The following NIBAN3 variants were observed in gnomAD, a reference collection of about 807,000 sequenced individuals.
The protein encoded by NIBAN3 is protein Niban 3.
Under a neutral mutation model 76.4 loss-of-function variants are expected in NIBAN3, and 66 were observed. The ratio of observed to expected loss-of-function variants is 0.86; its 90% CI spans 0.71 to 1.06. The LOEUF is 1.06. NIBAN3 is among the 50% of genes least tolerant of loss of function. NIBAN3 has a pLI of 0.00. For missense variants in NIBAN3, 808 were observed against 810.7 expected (o/e 1.00, Z 0.04); for synonymous variants, 360 against 355.2 (o/e 1.01, Z -0.15).
At chr19:17,526,749 C>T (rs1440481559), upstream of NIBAN3, among the ~76,000 whole-genome samples, 1 of 151,334 alleles carries the variant, frequency 6.6e-6, no homozygotes, top group Admixed American at 6.6e-5. Flanking sequence ...AGCTTCAGTG[C>T]CCCCAAGTCT....
At chr19:17,523,707 G>A (rs983650384), upstream of NIBAN3, among the ~76,000 whole-genome samples, 3 of 152,072 alleles carry the variant, frequency 2.0e-5, no homozygotes, top group Non-Finnish European at 2.9e-5. Flanking sequence ...AAGGCTCCAC[G>A]TGGCCCCTTT....
rs1207576336 is a variant in NIBAN3, at chr19:17,539,278, C to T, written c.711+13C>T. The T allele has an allele frequency of 1.3e-6, 2 of 1,583,908 alleles. No individual in the cohort carries two copies. The highest frequency in any genetic ancestry group is 2.3e-5 in the East Asian group (1 of 43,102). On this transcript the variant is annotated intron_variant, in intron 6 of 14. Coordinates refer to ENST00000599164, the MANE Select transcript of NIBAN3 (RefSeq NM_001321827.2). ...CTCAGACGCCGAGGTTAGTGCCCCGCGAGGCCGCACCCGGGACCCCCAGGA... is the reference window on the plus strand; with the variant it reads ...CTCAGACGCCGAGGTTAGTGCCCCGTGAGGCCGCACCCGGGACCCCCAGGA...
chr19:17,555,050 G>C (rs949972369), downstream of NIBAN3, among the ~76,000 whole-genome samples: 1 of 152,058 alleles, frequency 6.6e-6, no homozygotes. Context: ...CTCTGGAAGA[G>C]CTTGTGCCCA....
chr19:17,540,771 T>A (rs534994179), intron 9 of NIBAN3, among the ~76,000 whole-genome samples, 189 bp downstream of exon 9: 3 of 152,356 alleles, frequency 2.0e-5, no homozygotes, highest in African/African-American at 7.2e-5. Flanking sequence ...TGTCGCTCTG[T>A]CACCCTGGCT....
At chr19:17,541,234 CATACAT>C (rs2075946401) in intron 9 of NIBAN3, among the ~76,000 whole-genome samples, 2 of 4,392 alleles carry the variant, frequency 4.6e-4, no homozygotes, top group Non-Finnish European at 1.7e-3. Flanking sequence ...TACATATATA[CATACAT>C]ACATACATAC....
Position 17,539,266 on chromosome 19 carries a change from G to A in NIBAN3, c.711+1G>A, listed in dbSNP as rs1266348626. ...CGTGACCCTAGGCTCAGACGCCGAG[G>A]TTAGTGCCCCGCGAGGCCGCACCCG... is the stretch of plus-strand genomic sequence containing the variant. On this transcript the variant is annotated splice_donor_variant, in intron 6 of 14. Coordinates refer to ENST00000599164, the MANE Select transcript of NIBAN3 (RefSeq NM_001321827.2). LOFTEE classifies it high-confidence loss of function. 6.3e-7 allele frequency: 1 copy of A among 1,596,720 alleles called. No homozygotes were observed. Among genetic ancestry groups the A allele is most frequent in the East Asian group, 2.3e-5 (1 of 43,920 alleles).
At chr19:17,528,084 GTTTGT>G (rs533477030) in intron 1 of NIBAN3, among the ~76,000 whole-genome samples, 7 of 146,760 alleles carry the variant, frequency 4.8e-5, no homozygotes, top group African/African-American at 1.7e-4. Context: ...TTTTTTTTTT[GTTTGT>G]TTTGTTTTGT....
chr19:17,536,939 C>T (rs117075405), intron 4 of NIBAN3, among the ~76,000 whole-genome samples: 6,271 of 152,022 alleles, frequency 0.041, 195 homozygotes, highest in Non-Finnish European at 0.06. Context: ...GAGTTCAAGA[C>T]CAGCCTGGGT....
rs763620290 is a variant in NIBAN3, at chr19:17,553,396, G to T, written c.*1498G>T. Reference sequence around the variant, plus strand: ...CCTCTGCTTGCCAGCAAAGTCATCTGCTAACTGGATATTGGCAGCTTCTCT... The same window carrying T: ...CCTCTGCTTGCCAGCAAAGTCATCTTCTAACTGGATATTGGCAGCTTCTCT... On this transcript the variant is annotated 3_prime_UTR_variant, in exon 15 of 15. Coordinates refer to ENST00000599164, the MANE Select transcript of NIBAN3 (RefSeq NM_001321827.2). 10 of 1,614,178 alleles carry T rather than the reference G, an allele frequency of 6.2e-6. No individual in the cohort carries two copies. Among genetic ancestry groups the T allele is most frequent in the Non-Finnish European group, 8.5e-6 (10 of 1,180,046 alleles).
intron 13 of NIBAN3, 34 bp downstream of exon 13, chr19:17,546,831 T>C (rs1028020619): frequency 1.3e-6 from 2 of 1,560,316 alleles, no homozygotes; most frequent in African/African-American, 2.7e-5. Flanking sequence ...CAGAGGAGCC[T>C]GGCGTCCCTT....
Position 17,546,709 on chromosome 19 carries a change from T to C in NIBAN3, c.1578T>C (p.Asp526=), listed in dbSNP as rs1467515949. 4 of 1,594,812 alleles carry C rather than the reference T, an allele frequency of 2.5e-6. No individual in the cohort carries two copies. Among genetic ancestry groups the C allele is most frequent in the Non-Finnish European group, 3.4e-6 (4 of 1,171,794 alleles). ...AGGAGCTGCCTGAGTTCGAGGGGGA[T>C]GTCCTTGCCGTGGGCAGCCAGGCTC... ...CKKELPEFEG[D]VLAVGSQALT... is the part of the protein sequence containing the mutation. The change falls in exon 13 of 15, where the codon GAT becomes GAC. Residue 526 remains aspartate (D), a synonymous_variant. Coordinates refer to ENST00000599164, the MANE Select transcript of NIBAN3 (RefSeq NM_001321827.2).
intron 5 of NIBAN3, 63 bp downstream of exon 5, chr19:17,537,606 TC>T: frequency 3.7e-5 from 54 of 1,469,116 alleles, no homozygotes; most frequent in Non-Finnish European, 4.9e-5. Flanking sequence ...TGGCTCAGCC[TC>T]TGTTGGCTCG....
Position 17,542,082 on chromosome 19 carries a change from C to A in NIBAN3, c.1171-54C>A. The A allele has an allele frequency of 1.2e-6, 2 of 1,605,872 alleles. No individual in the cohort carries two copies. Among genetic ancestry groups the A allele is most frequent in the Non-Finnish European group, 1.7e-6 (2 of 1,173,072 alleles). On this transcript the variant is annotated intron_variant, in intron 9 of 14. Coordinates refer to ENST00000599164, the MANE Select transcript of NIBAN3 (RefSeq NM_001321827.2). The surrounding 1 kb of genome is among the most constrained non-coding windows in gnomAD (Gnocchi z 4.8). ...GTGAATTGGTAATGGGGTCCCTGGCCCTTTGCAATCAGCTGACAGCATTTT... is the reference window on the plus strand; with the variant it reads ...GTGAATTGGTAATGGGGTCCCTGGCACTTTGCAATCAGCTGACAGCATTTT...
In NIBAN3 at chr19:17,553,117, T is replaced by C. The variant is rs7250832; in HGVS notation, c.*1219T>C. 0.016 allele frequency: 12,321 copies of C among 767,430 alleles called. 1,006 individuals are homozygous for C. The African/African-American group carries it at 0.19, about 12-fold the overall frequency. 47.5% of individuals were successfully genotyped at this position (767,430 alleles called of 1,614,324 possible). ...ATATGTTGATTAGCCATTTACATGTTTGTAGTTTTTTTTTTTTTAATTTCA... is the reference window on the plus strand; with the variant it reads ...ATATGTTGATTAGCCATTTACATGTCTGTAGTTTTTTTTTTTTTAATTTCA... On this transcript the variant is annotated 3_prime_UTR_variant, in exon 15 of 15. Coordinates refer to ENST00000599164, the MANE Select transcript of NIBAN3 (RefSeq NM_001321827.2).
At chr19:17,523,516 C>T (rs371493984), upstream of NIBAN3, 12 of 1,469,938 alleles carry the variant, frequency 8.2e-6, no homozygotes, top group Non-Finnish European at 1.1e-5. Context: ...TGGTTGAGGG[C>T]AGGAGGCCGT....
intron 13 of NIBAN3, among the ~76,000 whole-genome samples, chr19:17,547,418 G>A (rs534604069): frequency 1.2e-4 from 14 of 114,664 alleles, no homozygotes; most frequent in African/African-American, 4.6e-4. Context: ...GCAGTGGAAC[G>A]ATCTTGGCTC....
rs10528626 is a variant in NIBAN3 at position 17,541,644 on chromosome 19, C to CTTATT, written c.1171-434_1171-430dup. Among the ~76,000 whole-genome samples, 786 of 137,062 alleles carry CTTATT rather than the reference C, an allele frequency of 5.7e-3. 6 individuals are homozygous for CTTATT. Among genetic ancestry groups the CTTATT allele is most frequent in the East Asian group, 0.042 (194 of 4,602 alleles). 89.9% of individuals were successfully genotyped at this position (137,062 alleles called of 152,430 possible). ...TCCATGACACCGTGCCTCACTGCTACTTATTTTATTTTATTTTATTTTATT... is the reference window on the plus strand; with the variant it reads ...TCCATGACACCGTGCCTCACTGCTACTTATTTTATTTTATTTTATTTTATTTTATT... On this transcript the variant is annotated intron_variant, in intron 9 of 14. Transcript: ENST00000599164.
chr19:17,539,480 G>C, intron 7 of NIBAN3, 29 bp downstream of exon 7: 1 of 1,459,496 alleles, frequency 6.9e-7, no homozygotes, highest in Non-Finnish European at 9.1e-7. Context: ...TCCGGGATAG[G>C]GGGCGGGATG....
chr19:17,535,437 A>G (rs528699606), intron 4 of NIBAN3, among the ~76,000 whole-genome samples: 2 of 152,236 alleles, frequency 1.3e-5, no homozygotes, highest in East Asian at 3.9e-4. Context: ...CAACAGAGCC[A>G]GGAGCTGTCT....
Sources: gnomAD v4.1 joint callset for allele counts (sites outside exome capture counted in the v4.1 genomes callset) on GRCh38, gnomAD v4.1.1 for gene constraint, Gnocchi (gnomAD v3.1) non-coding constraint, MANE v1.5 for transcripts, NCBI Gene and HGNC (gene_info 2026-07-23, HGNC 2026-07-21) for gene names.